SYBU: variants seen among roughly 807,000 people sequenced by gnomAD.
The protein encoded by SYBU is GOLSYN A protein.
In SYBU, 21 loss-of-function variants were observed where a neutral mutation model predicts 35.9. The ratio of observed to expected loss-of-function variants is 0.58; its 90% CI spans 0.41 to 0.84. The LOEUF (loss-of-function observed/expected upper bound fraction) is 0.84. SYBU is among the 40% of genes least tolerant of loss of function. The probability of loss-of-function intolerance (pLI) is 0.00; values close to 1 mark genes in which losing one functional copy is unlikely to be tolerated. For synonymous variants in SYBU, 319 were observed against 324.3 expected (o/e 0.98, Z 0.18); for missense variants, 768 against 848.2 (o/e 0.91, Z 1.17).
upstream of SYBU, among the ~76,000 whole-genome samples, chr8:109,683,128 G>C (rs1817438927): frequency 6.6e-6 from 1 of 152,182 alleles, no homozygotes; most frequent in Non-Finnish European, 1.5e-5. Flanking sequence ...TGTGGGGTTG[G>C]GGGCACTGCC....
intron 2 of SYBU, among the ~76,000 whole-genome samples, chr8:109,642,399 C>A (rs1276163173): frequency 6.6e-6 from 1 of 152,086 alleles, no homozygotes; most frequent in Non-Finnish European, 1.5e-5. Flanking sequence ...ACTTATGTAA[C>A]AAACCTGCAT....
chr8:109,627,351 T>C (rs1302384925), intron 2 of SYBU, among the ~76,000 whole-genome samples: 1 of 152,206 alleles, frequency 6.6e-6, no homozygotes, highest in Non-Finnish European at 1.5e-5. Flanking sequence ...TTTTTGAAGA[T>C]AGTTTAATGG....
In SYBU at chr8:109,644,592, G is replaced by C. The variant is rs1384719271; in HGVS notation, c.24+44C>G. The C allele has an allele frequency of 2.6e-6, 4 of 1,537,528 alleles. No individual in the cohort carries two copies. In the African/African-American group the frequency reaches 4.1e-5, roughly 16 times the overall value. On this transcript the variant is annotated intron_variant, in intron 1 of 6. Transcript: ENST00000276646. ...CGCCGCTTCTCGCCCCGCAGTGCCC[G>C]CCTTCCCCGCCCTCCAGTGCCCGCA...
chr8:109,668,817 G>A (rs1393747406), intron 1 of SYBU, among the ~76,000 whole-genome samples: 1 of 152,086 alleles, frequency 6.6e-6, no homozygotes, highest in Non-Finnish European at 1.5e-5. Context: ...AGTAATTCAA[G>A]CTTAATAACT....
chr8:109,617,452 C>T (rs1482375046), intron 3 of SYBU, among the ~76,000 whole-genome samples: 1 of 152,132 alleles, frequency 6.6e-6, no homozygotes, highest in Non-Finnish European at 1.5e-5. Flanking sequence ...GAATTGAACA[C>T]TTTATAGGGT....
At chr8:109,619,782 T>C (rs1812224815) in intron 2 of SYBU, among the ~76,000 whole-genome samples, 1 of 152,216 alleles carries the variant, frequency 6.6e-6, no homozygotes, top group African/African-American at 2.4e-5. Context: ...GACCCATCAA[T>C]TGGTTAACAG....
intron 2 of SYBU, among the ~76,000 whole-genome samples, chr8:109,621,081 T>C (rs1812352501): frequency 6.6e-6 from 1 of 152,120 alleles, no homozygotes; most frequent in African/African-American, 2.4e-5. Flanking sequence ...CCCCACAAAA[T>C]AAAAATCTGT....
At chr8:109,590,196 A>G (rs1824055936) in intron 3 of SYBU, among the ~76,000 whole-genome samples, 1 of 152,210 alleles carries the variant, frequency 6.6e-6, no homozygotes, top group Admixed American at 6.5e-5. Context: ...ACACTATTAA[A>G]AGAAGCTGCT....
chr8:109,675,303 A>G (rs1343828281), intron 1 of SYBU, among the ~76,000 whole-genome samples: 1 of 152,254 alleles, frequency 6.6e-6, no homozygotes, highest in Non-Finnish European at 1.5e-5. Flanking sequence ...GCAGAACCGA[A>G]GTAGATAGAG....
intron 2 of SYBU, among the ~76,000 whole-genome samples, chr8:109,626,781 A>G (rs1270398248): frequency 6.6e-6 from 1 of 152,160 alleles, no homozygotes; most frequent in African/African-American, 2.4e-5. Flanking sequence ...ATGATAGTGC[A>G]TACCTGTAGT....
chr8:109,617,464 A>G (rs545544901), intron 3 of SYBU, among the ~76,000 whole-genome samples: 1 of 152,338 alleles, frequency 6.6e-6, no homozygotes, highest in East Asian at 1.9e-4. Context: ...TTATAGGGTG[A>G]ATTTTATGGT....
intron 3 of SYBU, among the ~76,000 whole-genome samples, chr8:109,592,978 CAT>C (rs10556297): frequency 0.12 from 18,759 of 152,178 alleles, 1,271 homozygotes; most frequent in South Asian, 0.28. Context: ...TTGACACACT[CAT>C]AAATACGAAT....
intron 1 of SYBU, among the ~76,000 whole-genome samples, chr8:109,686,428 A>G (rs1050367788): frequency 6.6e-6 from 1 of 152,212 alleles, no homozygotes; most frequent in Non-Finnish European, 1.5e-5. Flanking sequence ...TTTAAAAGAC[A>G]CGCATCAATG....
intron 3 of SYBU, among the ~76,000 whole-genome samples, chr8:109,586,787 A>T (rs1459503403): frequency 6.6e-6 from 1 of 152,240 alleles, no homozygotes; most frequent in South Asian, 2.1e-4. Context: ...GAACCTGTAA[A>T]TTACACTGAA....
rs1587009198 is a variant in SYBU, at chr8:109,691,476, G to A, written c.-201C>T. ...GGTTTGCGCTCAGGCCCGGGGAGCC[G>A]GGCCCGGCCCGCTCCGCCCGCCTTA... On this transcript the variant is annotated 5_prime_UTR_variant, in exon 1 of 8. Transcript: ENST00000422135. The surrounding 1 kb of genome is among the most constrained non-coding windows in gnomAD (Gnocchi z 4.7). 1.1e-5 allele frequency: 6 copies of A among 544,206 alleles called. No individual in the cohort carries two copies. The highest frequency in any genetic ancestry group is 3.4e-5 in the East Asian group (1 of 29,278). 33.7% of individuals were successfully genotyped at this position (544,206 alleles called of 1,614,324 possible).
rs1823588595 is a variant in SYBU, at chr8:109,586,106, C to A, written c.484G>T (p.Val162Phe). The A allele has an allele frequency of 6.2e-7, 1 of 1,612,018 alleles. No individual in the cohort carries two copies. Among genetic ancestry groups the A allele is most frequent in the Non-Finnish European group, 8.5e-7 (1 of 1,179,404 alleles). ...SSTGSISAPE[V>F]HMSTAGSKRS... ...TTGCTTCCCGCAGTCGACATATGGA[C>A]CTCAGGAGCGGAAATGCTGCCTGTG... The change falls in exon 4 of 7, where the codon GTC (valine) becomes TTC (phenylalanine). Residue 162 changes from valine (V) to phenylalanine (F), a missense_variant. Transcript: ENST00000276646.
At chr8:109,608,484 CACAACACTGCCCAGA>C (rs1826293199) in intron 3 of SYBU, among the ~76,000 whole-genome samples, 1 of 152,114 alleles carries the variant, frequency 6.6e-6, no homozygotes, top group African/African-American at 2.4e-5. Flanking sequence ...CATGACAATT[CACAACACTGCCCAGA>C]AGAAAGGAAT....
chr8:109,596,249 T>A (rs1288932904), intron 3 of SYBU, among the ~76,000 whole-genome samples: 1 of 152,222 alleles, frequency 6.6e-6, no homozygotes, highest in Non-Finnish European at 1.5e-5. Flanking sequence ...TTTAAAAGAG[T>A]CTCAGATACA....
intron 3 of SYBU, among the ~76,000 whole-genome samples, chr8:109,612,499 G>A (rs925838976): frequency 2.0e-5 from 3 of 152,212 alleles, no homozygotes; most frequent in Admixed American, 6.5e-5. Context: ...AAATCTTCCC[G>A]TTAGCACTAA....
Sources: allele counts gnomAD v4.1 joint callset (sites outside exome capture counted in the v4.1 genomes callset), GRCh38; gene constraint gnomAD v4.1.1; non-coding constraint Gnocchi (gnomAD v3.1); transcripts MANE v1.5; gene names NCBI Gene and HGNC (gene_info 2026-07-23, HGNC 2026-07-21).